LRRIQ3: variants seen among roughly 807,000 people sequenced by gnomAD.
LRRIQ3 encodes the protein leucine-rich repeat and IQ domain-containing protein 3.
Under a neutral mutation model 59.3 loss-of-function variants are expected in LRRIQ3, and 75 were observed. The ratio of observed to expected loss-of-function variants is 1.26; its 90% CI spans 1.05 to 1.53. LRRIQ3 has a LOEUF of 1.53. Among genes scored for constraint, LRRIQ3 ranks in the 40% most tolerant of loss-of-function variants. The probability of loss-of-function intolerance (pLI) is 0.00; values close to 1 mark genes in which losing one functional copy is unlikely to be tolerated. For missense variants in LRRIQ3, 831 were observed against 710.0 expected, an observed-to-expected ratio of 1.17 and a Z score of -1.94; for synonymous variants, 250 against 231.3, an observed-to-expected ratio of 1.08 and a Z score of -0.73.
chr1:74,107,471 G>T (rs553786969), intron 5 of LRRIQ3, among the ~76,000 whole-genome samples: 112 of 151,386 alleles, frequency 7.4e-4, no homozygotes, highest in African/African-American at 2.7e-3. Flanking sequence ...AAGAAATCAG[G>T]TAGCTCACTT....
chr1:74,067,706 T>C (rs1570059768), intron 6 of LRRIQ3, among the ~76,000 whole-genome samples: 1 of 152,054 alleles, frequency 6.6e-6, no homozygotes, highest in East Asian at 1.9e-4. Context: ...AGCAATTTAA[T>C]GGAAGTTACT....
At chr1:74,108,994 C>T (rs1646651253) in intron 5 of LRRIQ3, 2 of 276,426 alleles carry the variant, frequency 7.2e-6, no homozygotes, top group Non-Finnish European at 1.4e-5. Context: ...TTTCAATTTC[C>T]ACTGGGTCCT....
chr1:74,153,921 C>A (rs1648139897), intron 4 of LRRIQ3, among the ~76,000 whole-genome samples: 1 of 151,924 alleles, frequency 6.6e-6, no homozygotes, highest in Non-Finnish European at 1.5e-5. Flanking sequence ...ACACAGAGAG[C>A]ACTAAATATA....
intron 6 of LRRIQ3, among the ~76,000 whole-genome samples, chr1:74,055,753 AACTGTTTAATGTTTGAAG>A (rs1485436397): frequency 2.0e-5 from 3 of 152,284 alleles, no homozygotes; most frequent in Admixed American, 2.0e-4. Context: ...TTCATATGGC[AACTGTTTAATGTTTGAAG>A]ACTGCCAATC....
At chr1:74,095,276 A>G (rs1000481782) in intron 5 of LRRIQ3, among the ~76,000 whole-genome samples, 2 of 152,144 alleles carry the variant, frequency 1.3e-5, no homozygotes, top group Non-Finnish European at 2.9e-5. Flanking sequence ...TTGTTATACC[A>G]GCAATGCACT....
chr1:74,135,720 A>T (rs964351545), intron 4 of LRRIQ3, among the ~76,000 whole-genome samples: 6 of 151,964 alleles, frequency 3.9e-5, no homozygotes, highest in African/African-American at 1.4e-4. Context: ...ATAAAACATT[A>T]TGAGATGTAG....
chr1:74,060,206 CTTCTTCTTCTTCTTG>C (rs760769575), intron 6 of LRRIQ3, among the ~76,000 whole-genome samples: 13,928 of 48,990 alleles, frequency 0.28, 898 homozygotes, highest in East Asian at 0.45. Context: ...TCTTCTTCTT[CTTCTTCTTCTTCTTG>C]TTCTTCTTCT....
At chr1:74,113,415 C>T (rs906373197) in intron 4 of LRRIQ3, among the ~76,000 whole-genome samples, 1 of 151,964 alleles carries the variant, frequency 6.6e-6, no homozygotes, top group Non-Finnish European at 1.5e-5. Flanking sequence ...AATTAATCTA[C>T]ACATCCAAGA....
rs772087436 is a variant in LRRIQ3 at position 74,041,454 on chromosome 1, A to T, written c.1477T>A (p.Tyr493Asn). Residue 493 changes from tyrosine (Y) to asparagine (N), a missense_variant, in exon 7 of 8, where the codon TAC (tyrosine) becomes AAC (asparagine). Coordinates refer to ENST00000354431, the MANE Select transcript of LRRIQ3 (RefSeq NM_001105659.2). The stretch of plus-strand genomic sequence containing the variant: ...TTTCTCTCTCTAGCTTTTTCAAGGT[A>T]GTTGAATCTGTTTTGCCAAACTTGT... The part of the protein sequence containing the change: ...LRQVWQNRFN[Y>N]LEKARERKAL... 33 of 1,613,550 alleles carry T rather than the reference A, an allele frequency of 2.0e-5. No homozygotes were observed. Among genetic ancestry groups the T allele is most frequent in the Admixed American group, 1.2e-4 (7 of 59,962 alleles).
chr1:74,092,596 G>T (rs746915372), intron 5 of LRRIQ3, among the ~76,000 whole-genome samples: 37 of 152,104 alleles, frequency 2.4e-4, no homozygotes, highest in Non-Finnish European at 5.1e-4. Context: ...TACCGTAATT[G>T]AGTGTGTCTT....
intron 4 of LRRIQ3, among the ~76,000 whole-genome samples, chr1:74,109,781 T>C (rs1269892302): frequency 6.6e-6 from 1 of 151,806 alleles, no homozygotes; most frequent in Non-Finnish European, 1.5e-5. Flanking sequence ...GATATGAATC[T>C]ACAAACAATT....
intron 4 of LRRIQ3, among the ~76,000 whole-genome samples, chr1:74,127,959 T>A (rs1402429371): frequency 2.0e-5 from 3 of 152,036 alleles, no homozygotes; most frequent in Non-Finnish European, 2.9e-5. Context: ...TATATCTTCT[T>A]CCTATATGAA....
At chr1:74,132,440 C>G (rs932856198) in intron 4 of LRRIQ3, among the ~76,000 whole-genome samples, 1 of 152,112 alleles carries the variant, frequency 6.6e-6, no homozygotes, top group African/African-American at 2.4e-5. Context: ...AAGCTGGAGG[C>G]GTCGTGCTAC....
intron 4 of LRRIQ3, among the ~76,000 whole-genome samples, chr1:74,139,118 G>A (rs200973059): frequency 2.4e-5 from 1 of 41,930 alleles, no homozygotes; most frequent in Admixed American, 3.0e-4. Flanking sequence ...ATATATGTAT[G>A]TGTGTGTGTA....
intron 3 of LRRIQ3, among the ~76,000 whole-genome samples, chr1:74,175,852 A>C (rs1649605064): frequency 6.6e-6 from 1 of 152,142 alleles, no homozygotes; most frequent in South Asian, 2.1e-4. Flanking sequence ...CAACCATGTA[A>C]TGTCACTAAT....
At position 74,100,939 on chromosome 1, in the gene LRRIQ3, C is replaced by A. The variant is rs576311383; in HGVS notation, c.867+8455G>T. 1.1e-3 allele frequency among the ~76,000 whole-genome samples: 170 copies of A among 152,146 alleles called. 2 individuals carry two copies. In the East Asian group the frequency reaches 0.025, roughly 22 times the overall value. On this transcript the variant is annotated intron_variant, in intron 5 of 7. Coordinates refer to ENST00000354431, the MANE Select transcript of LRRIQ3 (RefSeq NM_001105659.2). ...TGGATTAAAGACTTAAATGTTAGAC[C>A]TAAAACCATAAAAACCCTAGAAGAA...
At chr1:74,029,646 G>C (rs1343148297) in intron 7 of LRRIQ3, among the ~76,000 whole-genome samples, 1 of 151,994 alleles carries the variant, frequency 6.6e-6, no homozygotes, top group African/African-American at 2.4e-5. Context: ...CAGGGATATT[G>C]GTCTAAAATT....
At chr1:74,128,861 C>G (rs1238380828) in intron 4 of LRRIQ3, among the ~76,000 whole-genome samples, 1 of 152,076 alleles carries the variant, frequency 6.6e-6, no homozygotes, top group Non-Finnish European at 1.5e-5. Flanking sequence ...CTTAAAGATT[C>G]ATACAGGTAC....
chr1:74,062,666 T>C (rs558539076), intron 6 of LRRIQ3, among the ~76,000 whole-genome samples: 43 of 152,254 alleles, frequency 2.8e-4, no homozygotes, highest in Middle Eastern at 6.8e-3. Context: ...TGAAAAAGAA[T>C]GAGATCATGT....
Sources: allele counts gnomAD v4.1 joint callset (sites outside exome capture counted in the v4.1 genomes callset), GRCh38; gene constraint gnomAD v4.1.1; transcripts MANE v1.5; gene names NCBI Gene and HGNC (gene_info 2026-07-23, HGNC 2026-07-21).